The following ST7 variants were observed in gnomAD, a reference collection of about 807,000 sequenced individuals.
The protein encoded by ST7 is suppressor of tumorigenicity 7 protein.
In ST7, 28 loss-of-function variants were observed where a neutral mutation model predicts 78.7. The observed-to-expected ratio is 0.36, with a 90% CI of 0.26 to 0.49. The LOEUF is 0.49. Among genes scored for constraint, ST7 ranks in the 20% least tolerant of loss-of-function variants. The probability of loss-of-function intolerance (pLI) is 0.99; values close to 1 mark genes in which losing one functional copy is unlikely to be tolerated. For synonymous variants in ST7, 247 were observed against 249.6 expected, an observed-to-expected ratio of 0.99 and a Z score of 0.10; for missense variants, 418 against 696.0, an observed-to-expected ratio of 0.60 and a Z score of 4.49.
chr7:117,103,472 A>G (rs2116829417), intron 2 of ST7, among the ~76,000 whole-genome samples: 1 of 152,368 alleles, frequency 6.6e-6, no homozygotes, highest in East Asian at 1.9e-4. Flanking sequence ...CTCATTTTCG[A>G]CAAAGGCACT....
At chr7:117,050,485 G>A (rs74301896) in intron 1 of ST7, among the ~76,000 whole-genome samples, 1 of 152,152 alleles carries the variant, frequency 6.6e-6, no homozygotes, top group East Asian at 1.9e-4. Flanking sequence ...TCTCCTGACT[G>A]CGGATGGTGC....
chr7:117,034,218 T>G (rs1231626426), intron 1 of ST7, among the ~76,000 whole-genome samples: 1 of 152,150 alleles, frequency 6.6e-6, no homozygotes, highest in Non-Finnish European at 1.5e-5. Context: ...AGATTACAGG[T>G]GTGAGCCACT....
chr7:117,153,077 G>A (rs185176784), intron 9 of ST7, among the ~76,000 whole-genome samples: 1 of 152,252 alleles, frequency 6.6e-6, no homozygotes, highest in East Asian at 1.9e-4. Flanking sequence ...TTGGAGACTA[G>A]GTAAGTTTTT....
intron 3 of ST7, among the ~76,000 whole-genome samples, chr7:117,122,651 C>T (rs181885234): frequency 1.4e-4 from 21 of 151,998 alleles, no homozygotes; most frequent in African/African-American, 4.6e-4. Flanking sequence ...AAATAGTTAT[C>T]CTTAGAAAAA....
At chr7:117,223,233 CTTG>C (rs1461315059) in intron 15 of ST7, 4 of 486,238 alleles carry the variant, frequency 8.2e-6, no homozygotes, top group South Asian at 4.9e-5. Flanking sequence ...AGTCTAGGTC[CTTG>C]TTGTTTCTTG....
chr7:117,097,958 C>T (rs1236571540), intron 1 of ST7, among the ~76,000 whole-genome samples: 1 of 122,874 alleles, frequency 8.1e-6, no homozygotes, highest in Admixed American at 9.3e-5. Flanking sequence ...CTCAACTCAA[C>T]TGTAGCTTCC....
intron 9 of ST7, among the ~76,000 whole-genome samples, chr7:117,169,753 C>G (rs926721482): frequency 2.0e-5 from 3 of 151,006 alleles, no homozygotes; most frequent in African/African-American, 7.3e-5. Flanking sequence ...GTTATAACCT[C>G]TAAAATTCAT....
chr7:117,052,899 A>G (rs1481382108), intron 1 of ST7, among the ~76,000 whole-genome samples: 1 of 152,204 alleles, frequency 6.6e-6, no homozygotes, highest in East Asian at 1.9e-4. Flanking sequence ...ATCTCAAAAA[A>G]CAAAAAAACA....
intron 9 of ST7, among the ~76,000 whole-genome samples, chr7:117,157,577 C>G (rs1317206530): frequency 6.6e-6 from 1 of 152,204 alleles, no homozygotes; most frequent in Non-Finnish European, 1.5e-5. Flanking sequence ...TATTTGTTAA[C>G]TGTGCCCCAG....
intron 1 of ST7, among the ~76,000 whole-genome samples, chr7:117,044,727 C>T (rs1405938430): frequency 6.6e-6 from 1 of 152,156 alleles, no homozygotes; most frequent in Non-Finnish European, 1.5e-5. Flanking sequence ...ACCCAGCGTT[C>T]TGTGACTTCA....
chr7:116,971,682 T>C (rs1418442759), intron 1 of ST7, among the ~76,000 whole-genome samples: 1 of 152,190 alleles, frequency 6.6e-6, no homozygotes. Context: ...TTTCCAATAG[T>C]GGAGTCTTTC....
chr7:117,007,631 T>C (rs558915799), intron 1 of ST7, among the ~76,000 whole-genome samples: 51 of 152,328 alleles, frequency 3.3e-4, no homozygotes, highest in African/African-American at 1.2e-3. Context: ...AGTGTTATAT[T>C]GGAGGAAGAT....
At chr7:116,979,958 C>CTTTTTTTTTTTTTTTT (rs745530832) in intron 1 of ST7, among the ~76,000 whole-genome samples, 22 of 86,250 alleles carry the variant, frequency 2.6e-4, no homozygotes, top group Non-Finnish European at 3.7e-4. Flanking sequence ...TTTTGTTTCT[C>CTTTTTTTTTTTTTTTT]TTTTTTTTTT....
At chr7:117,023,281 A>G (rs1383626645) in intron 1 of ST7, among the ~76,000 whole-genome samples, 4 of 152,238 alleles carry the variant, frequency 2.6e-5, no homozygotes, top group Non-Finnish European at 4.4e-5. Context: ...AGCCTTTAAA[A>G]TACCAAAAAA....
At chr7:117,215,527 TA>T (rs1792623704) in intron 13 of ST7, among the ~76,000 whole-genome samples, 2 of 152,214 alleles carry the variant, frequency 1.3e-5, no homozygotes, top group Non-Finnish European at 2.9e-5. Context: ...CTGTTACACT[TA>T]GTTCCTTTAC....
intron 1 of ST7, among the ~76,000 whole-genome samples, chr7:117,089,827 C>T (rs2116683429): frequency 6.6e-6 from 1 of 152,248 alleles, no homozygotes; most frequent in East Asian, 1.9e-4. Flanking sequence ...GCCTCGGCCT[C>T]CCAAAGTGCT....
At position 116,988,260 on chromosome 7, in the gene ST7, G is replaced by A. The variant is rs988843956; in HGVS notation, c.151+34569G>A. Among the ~76,000 whole-genome samples, 7 of 152,284 alleles carry A rather than the reference G, an allele frequency of 4.6e-5. No individual in the cohort carries two copies. The South Asian group carries it at 1.4e-3, about 32-fold the overall frequency. ...CTTTGATGAACTTGGAGGTCAGAGT[G>A]TTTACGTGGATCTCTTTGGAGTAAT... On this transcript the variant is annotated intron_variant, in intron 1 of 15. Coordinates refer to ENST00000323984, the MANE Select transcript of ST7 (RefSeq NM_001369598.1).
At chr7:116,958,683 A>G in intron 1 of ST7, 1 of 471,180 alleles carries the variant, frequency 2.1e-6, no homozygotes, top group South Asian at 1.5e-5. Flanking sequence ...CCACTGCAAT[A>G]AAGTGAGTCC....
intron 2 of ST7, among the ~76,000 whole-genome samples, chr7:117,113,571 T>C (rs954013828): frequency 2.6e-5 from 4 of 152,252 alleles, no homozygotes; most frequent in African/African-American, 9.6e-5. Context: ...TTTATCATTA[T>C]ATTTCATTTG....
Sources: allele counts gnomAD v4.1 joint callset (sites outside exome capture counted in the v4.1 genomes callset), GRCh38; gene constraint gnomAD v4.1.1; transcripts MANE v1.5; gene names NCBI Gene and HGNC (gene_info 2026-07-23, HGNC 2026-07-21).